The following CHD2 variants were observed in gnomAD, a reference collection of about 807,000 sequenced individuals.
CHD2 encodes the protein chromodomain helicase DNA binding protein 2.
In CHD2, 28 loss-of-function variants were observed where a neutral mutation model predicts 243.9. The observed-to-expected ratio is 0.11, with a 90% CI of 0.09 to 0.16. CHD2 has a LOEUF of 0.16. Ranked by LOEUF, CHD2 falls within the 10% of genes least tolerant of loss-of-function variation. The pLI, the probability that CHD2 is intolerant of heterozygous loss-of-function variation, is 1.00. For synonymous variants in CHD2, 775 were observed against 779.0 expected (o/e 0.99, Z 0.09); for missense variants, 1,386 against 2,209.8 (o/e 0.63, Z 7.47).
intron 2 of CHD2, among the ~76,000 whole-genome samples, chr15:92,923,357 C>G (rs187601934): frequency 7.2e-5 from 11 of 151,938 alleles, no homozygotes; most frequent in African/African-American, 2.7e-4. Context: ...ACTTCCTAGG[C>G]TCAAATGATC....
intron 20 of CHD2, 140 bp downstream of exon 20, chr15:92,975,090 A>T: frequency 7.7e-6 from 5 of 646,038 alleles, no homozygotes. Context: ...GAAATCTCTC[A>T]TATAAAAGAT....
chr15:92,992,000 G>T (rs1438067254), intron 27 of CHD2, among the ~76,000 whole-genome samples: 1 of 152,156 alleles, frequency 6.6e-6, no homozygotes, highest in Admixed American at 6.6e-5. Flanking sequence ...GGTAGCTGTT[G>T]TTACTATTCT....
chr15:92,997,255 A>G lies in CHD2; in HGVS notation c.3737A>G (p.Tyr1246Cys). The G allele has an allele frequency of 6.2e-7, 1 of 1,614,046 alleles. No individual in the cohort carries two copies. ...IPVDPEEKKK[Y>C]CLTCRVKAAH... ...TCCTGTTTTTAAACTTTCTTTAGAT[A>G]CTGCTTAACCTGTCGTGTCAAAGCT... The change falls in exon 30 of 39, where the codon TAC becomes TGC. Residue 1246 changes from tyrosine (Y) to cysteine (C), a missense_variant and splice_region_variant. This residue lies in a region of CHD2 where 99 missense variants were observed against 176.9 expected (regional missense o/e 0.56). Coordinates refer to ENST00000394196, the MANE Select transcript of CHD2 (RefSeq NM_001271.4). The surrounding 1 kb of genome is among the most constrained non-coding windows in gnomAD (Gnocchi z 4.1).
At chr15:93,016,499 CTGAT>C (rs2054462002) in intron 37 of CHD2, among the ~76,000 whole-genome samples, 1 of 152,100 alleles carries the variant, frequency 6.6e-6, no homozygotes, top group African/African-American at 2.4e-5. Flanking sequence ...GTTAATTAGG[CTGAT>C]TGAGCCATTC....
chr15:92,974,770 T>A, intron 19 of CHD2, 109 bp from the exon 20 acceptor site: 1 of 957,034 alleles, frequency 1.0e-6, no homozygotes, highest in South Asian at 1.4e-5. Flanking sequence ...GCTTTGCAGT[T>A]ATTTTTACTC....
Position 92,998,036 on chromosome 15 carries a change from TG to T in CHD2, c.3886-461del. 3.5e-6 allele frequency: 1 copy of T among 284,098 alleles called. No individual in the cohort carries two copies. Among genetic ancestry groups the T allele is most frequent in the Non-Finnish European group, 5.3e-6 (1 of 187,292 alleles). 17.6% of individuals were successfully genotyped at this position (284,098 alleles called of 1,614,324 possible). A position where few individuals can be genotyped will look rare whatever the true frequency, so the allele number is the denominator to read the frequency against. On this transcript the variant is annotated intron_variant, in intron 30 of 38. Coordinates refer to ENST00000394196, the MANE Select transcript of CHD2 (RefSeq NM_001271.4). The surrounding 1 kb of genome is among the most constrained non-coding windows in gnomAD (Gnocchi z 5.1). ...TTAAGCACTGAGACCAGATTCAGTC[TG>T]GCAAGAGACCCAGTTGTTGTAGCAA...
Position 93,026,749 on chromosome 15 carries a change from C to G in CHD2, c.*2044C>G, listed in dbSNP as rs373149619. The G allele has an allele frequency of 4.6e-5, 7 of 152,296 alleles. No individual in the cohort carries two copies. Among genetic ancestry groups the G allele is most frequent in the Admixed American group, 3.9e-4 (6 of 15,288 alleles). 9.4% of individuals were successfully genotyped at this position (152,296 alleles called of 1,614,324 possible). ...GACTCTAGCCCATGATTGCCTTGCCCAAGCCAAAGAGGAAGGTTAGGTTGG... is the reference window on the plus strand; with the variant it reads ...GACTCTAGCCCATGATTGCCTTGCCGAAGCCAAAGAGGAAGGTTAGGTTGG... On this transcript the variant is annotated 3_prime_UTR_variant, in exon 39 of 39. Coordinates refer to ENST00000394196, the MANE Select transcript of CHD2 (RefSeq NM_001271.4).
rs1424928322 is a variant in CHD2, at chr15:93,024,897, C to A, written c.*192C>A. 5.3e-6 allele frequency: 3 copies of A among 562,142 alleles called. No homozygotes were observed. Among genetic ancestry groups the A allele is most frequent in the Non-Finnish European group, 9.2e-6 (3 of 325,332 alleles). The allele number at this position is 562,142 out of a possible 1,614,324, so 34.8% of individuals were successfully genotyped here. A position where few individuals can be genotyped will look rare whatever the true frequency, so the allele number is the denominator to read the frequency against. On this transcript the variant is annotated 3_prime_UTR_variant, in exon 39 of 39. Coordinates refer to ENST00000394196, the MANE Select transcript of CHD2 (RefSeq NM_001271.4). Reference sequence around the variant, plus strand: ...GGTCCAGCTCTGATTCGGGTCACCACTCCTGCACTTTGGCACCCCATCCCA... The same window carrying A: ...GGTCCAGCTCTGATTCGGGTCACCAATCCTGCACTTTGGCACCCCATCCCA...
Position 92,946,240 on chromosome 15 carries a change from T to A in CHD2, c.1377+24T>A, listed in dbSNP as rs770180549. Reference sequence around the variant, plus strand: ...AGGTATGGTGATGGTTGGCTTTTGTTTTTTCAGGGAGAAGATATACTGATA... The same window carrying A: ...AGGTATGGTGATGGTTGGCTTTTGTATTTTCAGGGAGAAGATATACTGATA... On this transcript the variant is annotated intron_variant, in intron 12 of 38. Transcript: ENST00000394196. 3.2e-6 allele frequency: 5 copies of A among 1,581,454 alleles called. No individual in the cohort carries two copies. In the Admixed American group the frequency reaches 8.8e-5, roughly 28 times the overall value.
chr15:93,002,810 T>A (rs2054274030), intron 33 of CHD2, among the ~76,000 whole-genome samples: 1 of 152,242 alleles, frequency 6.6e-6, no homozygotes, highest in African/African-American at 2.4e-5. Context: ...TGGTACAGTG[T>A]TGCAGTGTAT....
chr15:92,902,536 ATTTAT>A (rs990966974), intron 2 of CHD2: 3 of 187,174 alleles, frequency 1.6e-5, no homozygotes, highest in African/African-American at 4.7e-5. Context: ...GCTGAATTCT[ATTTAT>A]TTTATTTGAC....
chr15:92,996,585 A>G (rs1461123362), intron 28 of CHD2, among the ~76,000 whole-genome samples: 1 of 152,160 alleles, frequency 6.6e-6, no homozygotes, highest in Non-Finnish European at 1.5e-5. Context: ...AACACTTGAG[A>G]GTTTTTTGAC....
Position 92,984,375 on chromosome 15 carries a change from C to G in CHD2, c.3112C>G (p.Arg1038Gly). 6.2e-7 allele frequency: 1 copy of G among 1,603,074 alleles called. No homozygotes were observed. The highest frequency in any genetic ancestry group is 2.2e-5 in the East Asian group (1 of 44,494). ...GGAAGATGAAGAAGAGCTAGAAGAG[C>G]GTCCTCACAAGGACTGGGATGAGAT... ...TMEDEEELEERPHKDWDEIIP... is the reference protein window; with the variant it reads ...TMEDEEELEEGPHKDWDEIIP... Residue 1038 changes from arginine (R) to glycine (G), a missense_variant, in exon 25 of 39, where the codon CGT becomes GGT. Physicochemically the swap from Arg to Gly is moderately radical, Grantham distance 125. Coordinates refer to ENST00000394196, the MANE Select transcript of CHD2 (RefSeq NM_001271.4).
intron 3 of CHD2, among the ~76,000 whole-genome samples, chr15:92,926,630 A>C (rs148464291): frequency 6.6e-6 from 1 of 152,196 alleles, no homozygotes; most frequent in Non-Finnish European, 1.5e-5. Flanking sequence ...CAGGTCTACA[A>C]AAATCAGGTC....
intron 27 of CHD2, among the ~76,000 whole-genome samples, chr15:92,992,428 A>C (rs1411088640): frequency 6.6e-6 from 1 of 152,204 alleles, no homozygotes; most frequent in Non-Finnish European, 1.5e-5. Context: ...AGATCAACTA[A>C]ACATATAGTA....
chr15:93,017,512 T>C (rs1345291122), intron 37 of CHD2, among the ~76,000 whole-genome samples: 1 of 143,966 alleles, frequency 6.9e-6, no homozygotes, highest in Non-Finnish European at 1.5e-5. Flanking sequence ...TTTTTTTTTT[T>C]TTTTTTTGTA....
chr15:93,017,874 C>T (rs1384167927), intron 37 of CHD2, among the ~76,000 whole-genome samples: 1 of 152,130 alleles, frequency 6.6e-6, no homozygotes, highest in Non-Finnish European at 1.5e-5. Flanking sequence ...GTTATACTGG[C>T]TTTTTTCTAG....
Position 92,902,300 on chromosome 15 carries a change from T to G in CHD2, c.62+1001T>G, listed in dbSNP as rs150277672. On this transcript the variant is annotated intron_variant, in intron 2 of 38. Coordinates refer to ENST00000394196, the MANE Select transcript of CHD2 (RefSeq NM_001271.4). ...AATAAAGCCTCTAAGATGTTTTTGT[T>G]GTATGACCTCTGTATATTAATTTTT... is the stretch of plus-strand genomic sequence containing the variant. 1.3e-5 allele frequency: 5 copies of G among 397,160 alleles called. No individual in the cohort carries two copies. The East Asian group carries it at 1.8e-4, about 14-fold the overall frequency. The allele number at this position is 397,160 out of a possible 1,614,324, so 24.6% of individuals were successfully genotyped here.
intron 13 of CHD2, chr15:92,950,392 C>A (rs911192009): frequency 6.6e-6 from 1 of 152,110 alleles, no homozygotes; most frequent in African/African-American, 2.4e-5. Context: ...AACAGTGAAC[C>A]TATATAGATG....
Sources: gnomAD v4.1 joint callset for allele counts (sites outside exome capture counted in the v4.1 genomes callset) on GRCh38, gnomAD v4.1.1 for gene constraint, gnomAD v4.1.1 regional missense constraint, Gnocchi (gnomAD v3.1) non-coding constraint, MANE v1.5 for transcripts, NCBI Gene and HGNC (gene_info 2026-07-23, HGNC 2026-07-21) for gene names.